The following SLC12A6 variants were observed in gnomAD, a reference collection of about 807,000 sequenced individuals.
SLC12A6 encodes solute carrier family 12 member 6, also known as K-Cl cotransporter 3.
SLC12A6 carries 66 observed loss-of-function variants against 135.3 expected under a neutral mutation model. The observed-to-expected ratio is 0.49, with a 90% CI of 0.40 to 0.60. The LOEUF is 0.60. Among genes scored for constraint, SLC12A6 ranks in the 20% least tolerant of loss-of-function variants. The pLI, the probability that SLC12A6 is intolerant of heterozygous loss-of-function variation, is 0.00. For synonymous variants in SLC12A6, 513 were observed against 508.8 expected (o/e 1.01, Z -0.11); for missense variants, 1,058 against 1,452.3 (o/e 0.73, Z 4.41).
At chr15:34,314,217 T>C (rs1351998583) in intron 2 of SLC12A6, among the ~76,000 whole-genome samples, 1 of 152,052 alleles carries the variant, frequency 6.6e-6, no homozygotes, top group Non-Finnish European at 1.5e-5. Flanking sequence ...CCCAGTTAAT[T>C]TTTGCATTTA....
intron 5 of SLC12A6, among the ~76,000 whole-genome samples, chr15:34,258,301 T>C (rs1229980390): frequency 6.6e-6 from 1 of 152,174 alleles, no homozygotes; most frequent in Non-Finnish European, 1.5e-5. Flanking sequence ...AAACTGATGT[T>C]TGGTGTTTAA....
intron 2 of SLC12A6, among the ~76,000 whole-genome samples, chr15:34,277,674 C>T (rs1467074776): frequency 6.6e-6 from 1 of 152,110 alleles, no homozygotes. Flanking sequence ...TCCAGTGACT[C>T]TAGAGGAAAA....
chr15:34,251,092 A>C, intron 10 of SLC12A6, 35 bp from the exon 11 acceptor site: 1 of 1,318,188 alleles, frequency 7.6e-7, no homozygotes, highest in Non-Finnish European at 1.0e-6. Flanking sequence ...AAGCAGCAGC[A>C]GTATGAAAAA....
At position 34,321,675 on chromosome 15, in the gene SLC12A6, AAC is replaced by A. The variant is rs1458798447; in HGVS notation, c.271+14733_271+14734del. Among the ~76,000 whole-genome samples, 7 of 152,252 alleles carry A rather than the reference AAC, an allele frequency of 4.6e-5. No individual in the cohort carries two copies. In the South Asian group the frequency reaches 6.2e-4, roughly 13 times the overall value. ...AAAGGACTTGCACAAAAATGTTCACAACAGTTTATTCATAATATCCAAAAACT... is the reference window on the plus strand; with the variant it reads ...AAAGGACTTGCACAAAAATGTTCACAAGTTTATTCATAATATCCAAAAACT... On this transcript the variant is annotated intron_variant, in intron 2 of 25. Coordinates refer to ENST00000354181, the MANE Select transcript of SLC12A6 (RefSeq NM_001365088.1).
chr15:34,306,644 C>G (rs1038163450), intron 2 of SLC12A6, among the ~76,000 whole-genome samples: 1 of 151,790 alleles, frequency 6.6e-6, no homozygotes, highest in Non-Finnish European at 1.5e-5. Flanking sequence ...ATTCAAGTAG[C>G]CACCTTCCCA....
In SLC12A6 at chr15:34,250,801, T is replaced by C. The variant is rs141939614; in HGVS notation, c.1493-72A>G. The C allele has an allele frequency of 1.5e-3, 2,116 of 1,378,430 alleles. 22 individuals are homozygous for C. The African/African-American group carries it at 0.025, about 16-fold the overall frequency. 85.4% of individuals were successfully genotyped at this position (1,378,430 alleles called of 1,614,324 possible). On this transcript the variant is annotated intron_variant, in intron 11 of 25. Coordinates refer to ENST00000354181, the MANE Select transcript of SLC12A6 (RefSeq NM_001365088.1). ...TGATATTGATACTGATAGCAAAGAG[T>C]AGAAGCAAATCTAGGAACCCTGAGA... is the stretch of plus-strand genomic sequence containing the variant.
chr15:34,285,714 T>TA (rs1895015518), intron 2 of SLC12A6, among the ~76,000 whole-genome samples: 1 of 138,534 alleles, frequency 7.2e-6, no homozygotes, highest in Non-Finnish European at 1.5e-5. Context: ...GTGTGTGTGT[T>TA]TGTCATACAT....
chr15:34,295,908 G>A (rs148433329), intron 2 of SLC12A6, among the ~76,000 whole-genome samples: 4,154 of 152,278 alleles, frequency 0.027, 194 homozygotes, highest in African/African-American at 0.095. Flanking sequence ...GCTGAGGCAG[G>A]AGAATTGCTT....
intron 2 of SLC12A6, among the ~76,000 whole-genome samples, chr15:34,300,080 A>AAT (rs1484801180): frequency 2.0e-5 from 3 of 152,156 alleles, no homozygotes; most frequent in Non-Finnish European, 4.4e-5. Context: ...TGAATATTGT[A>AAT]ATATATCAAG....
At chr15:34,271,726 G>A (rs1370264296) in intron 3 of SLC12A6, among the ~76,000 whole-genome samples, 1 of 152,026 alleles carries the variant, frequency 6.6e-6, no homozygotes, top group Non-Finnish European at 1.5e-5. Context: ...TTTTGCAAGA[G>A]ACCCGATGAG....
chr15:34,299,537 G>A (rs1338330124), intron 2 of SLC12A6: 1 of 152,174 alleles, frequency 6.6e-6, no homozygotes, highest in Non-Finnish European at 1.5e-5. Flanking sequence ...TATTGGAGGT[G>A]TAGACATAGA....
chr15:34,245,721 G>A lies in SLC12A6; in HGVS notation c.1796C>T (p.Ala599Val). The A allele has an allele frequency of 1.2e-6, 2 of 1,613,820 alleles. No individual in the cohort carries two copies. Among genetic ancestry groups the A allele is most frequent in the Non-Finnish European group, 1.7e-6 (2 of 1,179,734 alleles). ...CAGAAACGGTATGATGTTATCCTTG[G>A]CAATAGCTTGTAGCAGCCTCGGTGC... The part of the protein sequence containing the change: ...TGAPRLLQAI[A>V]KDNIIPFLRV... The change falls in exon 14 of 26, where the codon GCC becomes GTC. Residue 599 changes from alanine to valine, a missense_variant. By Grantham distance (64) the Ala-to-Val change is moderately conservative (BLOSUM62 0). Transcript: ENST00000354181.
chr15:34,291,678 T>C (rs1895541023), intron 2 of SLC12A6, among the ~76,000 whole-genome samples: 1 of 152,176 alleles, frequency 6.6e-6, no homozygotes, highest in Non-Finnish European at 1.5e-5. Context: ...GCTCTGTTCA[T>C]TTCTTTTCAC....
At chr15:34,287,699 G>A (rs1422059500) in intron 2 of SLC12A6, among the ~76,000 whole-genome samples, 1 of 152,118 alleles carries the variant, frequency 6.6e-6, no homozygotes, top group Non-Finnish European at 1.5e-5. Flanking sequence ...ATCTCACTGT[G>A]GTCTTGATTT....
chr15:34,250,683 C>A lies in SLC12A6; in HGVS notation c.1539G>T (p.Gln513His). The A allele has an allele frequency of 6.2e-7, 1 of 1,608,936 alleles. No homozygotes were observed. Among genetic ancestry groups the A allele is most frequent in the Non-Finnish European group, 8.5e-7 (1 of 1,175,278 alleles). ...SNRSGDLKDA[Q>H]KSIPIGTILA... ...GGATAGTACCAATCGGAATAGACTT[C>A]TGAGCATCTTTCAGATCTCCAGATC... is the stretch of plus-strand genomic sequence containing the variant. Residue 513 changes from glutamine (Q) to histidine (H), a missense_variant, in exon 12 of 26, where the codon CAG (glutamine) becomes CAT (histidine). Physicochemically the swap from Gln to His is conservative, Grantham distance 24. Around this residue, in one of 6 missense-constraint regions of SLC12A6, gnomAD observed 297 missense variants for 318.5 expected, o/e 0.93. Transcript: ENST00000354181.
chr15:34,263,213 G>A (rs1030232767), intron 3 of SLC12A6, among the ~76,000 whole-genome samples: 4 of 152,220 alleles, frequency 2.6e-5, no homozygotes, highest in Admixed American at 2.6e-4. Flanking sequence ...GAGTCCAGGA[G>A]TTCTGGACCA....
At chr15:34,334,852 C>T (rs1169130881) in intron 2 of SLC12A6, among the ~76,000 whole-genome samples, 1 of 152,150 alleles carries the variant, frequency 6.6e-6, no homozygotes, top group Non-Finnish European at 1.5e-5. Flanking sequence ...GTAAAGAATG[C>T]TTAAGGGTAA....
chr15:34,322,815 TA>T (rs1185970366), intron 2 of SLC12A6, among the ~76,000 whole-genome samples: 1 of 151,070 alleles, frequency 6.6e-6, no homozygotes, highest in Non-Finnish European at 1.5e-5. Flanking sequence ...CCGTCTCCAC[TA>T]AAAACACAAA....
At position 34,322,402 on chromosome 15, in the gene SLC12A6, G is replaced by A. The variant is rs550862537; in HGVS notation, c.271+14008C>T. Among the ~76,000 whole-genome samples, 30 of 151,776 alleles carry A rather than the reference G, an allele frequency of 2.0e-4. 1 individual carries two copies. Among genetic ancestry groups the A allele is most frequent in the African/African-American group, 6.0e-4 (25 of 41,408 alleles). On this transcript the variant is annotated intron_variant, in intron 2 of 25. Coordinates refer to ENST00000354181, the MANE Select transcript of SLC12A6 (RefSeq NM_001365088.1). ...GAAAAAAAAACAAAAACAAAAACTC[G>A]TGCCTTCACTGTACGAAAAGTTTAC... is the stretch of plus-strand genomic sequence containing the variant.
Sources: gnomAD v4.1 joint callset for allele counts (sites outside exome capture counted in the v4.1 genomes callset) on GRCh38, gnomAD v4.1.1 for gene constraint, gnomAD v4.1.1 regional missense constraint, MANE v1.5 for transcripts, NCBI Gene and HGNC (gene_info 2026-07-23, HGNC 2026-07-21) for gene names.